The following KIAA1191 variants were observed in gnomAD, a reference collection of about 807,000 sequenced individuals.
KIAA1191 encodes putative monooxygenase p33MONOX.
Under a neutral mutation model 31.1 loss-of-function variants are expected in KIAA1191, and 22 were observed. The ratio of observed to expected loss-of-function variants is 0.71; its 90% confidence interval spans 0.51 to 1.01. The LOEUF (loss-of-function observed/expected upper bound fraction) is 1.01. Ranked by LOEUF, KIAA1191 falls within the 50% of genes least tolerant of loss-of-function variation. KIAA1191 has a pLI of 0.00. For synonymous variants in KIAA1191, 130 were observed against 143.9 expected (o/e 0.90, Z 0.69); for missense variants, 319 against 388.0 (o/e 0.82, Z 1.49).
In KIAA1191 at chr5:176,354,978, G is replaced by C. The variant is rs146183624; in HGVS notation, c.207+593C>G. Among the ~76,000 whole-genome samples the C allele has an allele frequency of 1.3e-3, 192 of 152,286 alleles. 1 individual carries two copies. The highest frequency in any genetic ancestry group is 4.5e-3 in the African/African-American group (186 of 41,546). ...AGGCAAATGGAGTGGGAGAAAAGGT[G>C]AGAGGACAGGATGTGGATGGCAAAC... On this transcript the variant is annotated intron_variant, in intron 4 of 8. Coordinates refer to ENST00000298569, the MANE Select transcript of KIAA1191 (RefSeq NM_020444.5).
At chr5:176,360,469 T>A (rs1767903584) in intron 1 of KIAA1191, among the ~76,000 whole-genome samples, 2 of 151,584 alleles carry the variant, frequency 1.3e-5, no homozygotes, top group South Asian at 2.1e-4. Flanking sequence ...GTTTTTTTTT[T>A]AAGCTATCTC....
rs1766657562 is a variant in KIAA1191, at chr5:176,347,964, C to T, written c.666G>A (p.Lys222=). The T allele has an allele frequency of 6.2e-7, 1 of 1,614,050 alleles. No individual in the cohort carries two copies. The highest frequency in any genetic ancestry group is 8.5e-7 in the Non-Finnish European group (1 of 1,180,048). ...SGDKDRNLSD[K]WSLFGPRSLQ... Reference sequence around the variant, plus strand: ...GGGATCTCGGTCCAAAGAGGCTCCACTTATCTGACAAGTTTCTGTCCTTAT... The same window carrying T: ...GGGATCTCGGTCCAAAGAGGCTCCATTTATCTGACAAGTTTCTGTCCTTAT... Residue 222 remains lysine (K), a synonymous_variant, in exon 8 of 9, where the codon AAG becomes AAA. Transcript: ENST00000298569.
intron 4 of KIAA1191, chr5:176,354,056 G>A (rs889816584): frequency 2.0e-5 from 3 of 152,146 alleles, no homozygotes; most frequent in Non-Finnish European, 4.4e-5. Flanking sequence ...GGAGGCGGGG[G>A]GAAAAACACT....
intron 4 of KIAA1191, chr5:176,353,298 A>C (rs1767201571): frequency 6.6e-6 from 1 of 152,342 alleles, no homozygotes; most frequent in South Asian, 2.1e-4. Context: ...CTTGAGGACC[A>C]CTGCTCCCAA....
chr5:176,357,783 T>C (rs1361087374), intron 3 of KIAA1191, among the ~76,000 whole-genome samples: 3 of 152,150 alleles, frequency 2.0e-5, no homozygotes, highest in African/African-American at 7.2e-5. Flanking sequence ...TGGATCTATA[T>C]TGGGGAATAC....
chr5:176,349,898 T>G (rs1766841277), intron 6 of KIAA1191, among the ~76,000 whole-genome samples: 1 of 152,196 alleles, frequency 6.6e-6, no homozygotes, highest in South Asian at 2.1e-4. Context: ...ATTGTGTCTC[T>G]TCACAATCTG....
Position 176,355,865 on chromosome 5 carries a change from A to G in KIAA1191, c.29-116T>C. 1 of 1,050,980 alleles carries G rather than the reference A, an allele frequency of 9.5e-7. No homozygotes were observed. Among genetic ancestry groups the G allele is most frequent in the Admixed American group, 2.1e-5 (1 of 48,002 alleles). 65.1% of individuals were successfully genotyped at this position (1,050,980 alleles called of 1,614,324 possible). A position where few individuals can be genotyped will look rare whatever the true frequency, so the allele number is the denominator to read the frequency against. On this transcript the variant is annotated intron_variant, in intron 3 of 8. Transcript: ENST00000298569. This position sits in a 1 kb window ranked among gnomAD's most constrained non-coding sequence, Gnocchi z 4.2. The stretch of plus-strand genomic sequence containing the variant: ...CTCTTGTTCTTGAACAGAGCAAAAT[A>G]GCTTGTTTTGGAGTAGCTAATCCCA...
chr5:176,352,484 T>A, intron 5 of KIAA1191, 138 bp downstream of exon 5: 1 of 967,194 alleles, frequency 1.0e-6, no homozygotes. Flanking sequence ...AATACTGACA[T>A]GATTCAGCAG....
intron 3 of KIAA1191, among the ~76,000 whole-genome samples, chr5:176,356,331 G>A (rs988487267): frequency 2.0e-5 from 3 of 152,190 alleles, no homozygotes; most frequent in African/African-American, 4.8e-5. Context: ...AGGATACGAA[G>A]TTCTCATTCC....
chr5:176,360,445 C>A (rs2113522568), intron 1 of KIAA1191, among the ~76,000 whole-genome samples: 3 of 151,890 alleles, frequency 2.0e-5, no homozygotes, highest in East Asian at 3.9e-4. Context: ...CGTGAGCCAC[C>A]GCGCCCGACC....
rs540797618 is a variant in KIAA1191 at position 176,359,534 on chromosome 5, T to C, written c.-26A>G. On this transcript the variant is annotated 5_prime_UTR_variant, in exon 3 of 9. Coordinates refer to ENST00000298569, the MANE Select transcript of KIAA1191 (RefSeq NM_020444.5). Reference sequence around the variant, plus strand: ...TGAAAGACTGGGATCCAGGTGCTTTTTCTATACAGAATTCCGAGCTGAGTC... The same window carrying C: ...TGAAAGACTGGGATCCAGGTGCTTTCTCTATACAGAATTCCGAGCTGAGTC... 10 of 1,605,444 alleles carry C rather than the reference T, an allele frequency of 6.2e-6. No homozygotes were observed. In the Admixed American group the frequency reaches 1.0e-4, roughly 16 times the overall value.
chr5:176,351,993 G>GTA (rs1255855077), intron 5 of KIAA1191, among the ~76,000 whole-genome samples: 3 of 151,954 alleles, frequency 2.0e-5, no homozygotes, highest in African/African-American at 7.3e-5. Context: ...ACAGCAACCT[G>GTA]TACAGCCCTC....
chr5:176,350,652 G>C lies in KIAA1191; in HGVS notation c.420C>G (p.Thr140=), dbSNP rs147780177. ...CCACTCGAAGGTACTTGGTCTCCTCGGTGGTGAGGCCCTTGTGGGGTGTGT... is the reference window on the plus strand; with the variant it reads ...CCACTCGAAGGTACTTGGTCTCCTCCGTGGTGAGGCCCTTGTGGGGTGTGT... ...AGYTPHKGLT[T]EETKYLRVAE... is the part of the protein sequence containing the mutation. The change falls in exon 6 of 9, where the codon ACC becomes ACG. Residue 140 remains threonine, a synonymous_variant. Coordinates refer to ENST00000298569, the MANE Select transcript of KIAA1191 (RefSeq NM_020444.5). 517 of 1,614,094 alleles carry C rather than the reference G, an allele frequency of 3.2e-4. 2 individuals are homozygous for C. The highest frequency in any genetic ancestry group is 1.8e-4 in the Admixed American group (11 of 60,016).
chr5:176,348,232 G>A lies in KIAA1191; in HGVS notation c.566+18C>T. ...CTGAAGCACGCAGGAACTCGGAAGG[G>A]TCACAGGAAGGGCTCACCTGGGCCT... On this transcript the variant is annotated intron_variant, in intron 7 of 8. Coordinates refer to ENST00000298569, the MANE Select transcript of KIAA1191 (RefSeq NM_020444.5). 6.2e-7 allele frequency: 1 copy of A among 1,611,758 alleles called. No homozygotes were observed. The highest frequency in any genetic ancestry group is 2.2e-5 in the East Asian group (1 of 44,860).
At position 176,355,568 on chromosome 5, in the gene KIAA1191, T is replaced by C; in HGVS notation, c.207+3A>G. 2.5e-6 allele frequency: 4 copies of C among 1,605,500 alleles called. No homozygotes were observed. The highest frequency in any genetic ancestry group is 3.4e-6 in the Non-Finnish European group (4 of 1,174,530). The stretch of plus-strand genomic sequence containing the variant: ...GCCAGAAATGGCCAGCAGGGTCAGA[T>C]ACCTTGGCGAGGTGCTGATACTTGC... On this transcript the variant is annotated splice_donor_region_variant and intron_variant, in intron 4 of 8. Coordinates refer to ENST00000298569, the MANE Select transcript of KIAA1191 (RefSeq NM_020444.5). The surrounding 1 kb of genome is among the most constrained non-coding windows in gnomAD (Gnocchi z 4.2).
intron 6 of KIAA1191, 48 bp downstream of exon 6, chr5:176,350,565 G>A: frequency 6.2e-7 from 1 of 1,601,012 alleles, no homozygotes; most frequent in Non-Finnish European, 8.5e-7. Context: ...CACATTTCAA[G>A]CCATGAACAC....
chr5:176,348,084 CAT>C (rs1424154567), intron 7 of KIAA1191, 21 bp from the exon 8 acceptor site: 7 of 1,612,746 alleles, frequency 4.3e-6, no homozygotes, highest in South Asian at 2.2e-5. Context: ...AAGAACAAAA[CAT>C]ATCCTAAAAT....
In KIAA1191 at chr5:176,348,305, A is replaced by C; in HGVS notation, c.511T>G (p.Ser171Ala). ...EVTKEERQPASAQSTPSTTPH... is the reference protein window; with the variant it reads ...EVTKEERQPAAAQSTPSTTPH... Reference sequence around the variant, plus strand: ...GTGGTGCTTGGGGTGGACTGGGCTGATGCAGGCTGCCTCTCTTCTTTTGTT... The same window carrying C: ...GTGGTGCTTGGGGTGGACTGGGCTGCTGCAGGCTGCCTCTCTTCTTTTGTT... The change falls in exon 7 of 9, where the codon TCA (serine) becomes GCA (alanine). Residue 171 changes from serine (S) to alanine (A), a missense_variant. Transcript: ENST00000298569. 1.9e-6 allele frequency: 3 copies of C among 1,613,806 alleles called. No individual in the cohort carries two copies. The highest frequency in any genetic ancestry group is 1.7e-6 in the Non-Finnish European group (2 of 1,179,972).
chr5:176,360,360 A>C (rs1484882786), intron 1 of KIAA1191, among the ~76,000 whole-genome samples: 1 of 151,268 alleles, frequency 6.6e-6, no homozygotes, highest in Non-Finnish European at 1.5e-5. Flanking sequence ...GTTTCACCGC[A>C]CTAGCCAGGA....
Sources: allele counts gnomAD v4.1 joint callset (sites outside exome capture counted in the v4.1 genomes callset), GRCh38; gene constraint gnomAD v4.1.1; non-coding constraint Gnocchi (gnomAD v3.1); transcripts MANE v1.5; gene names NCBI Gene and HGNC (gene_info 2026-07-23, HGNC 2026-07-21).